The following CPNE8 variants were observed in gnomAD, a reference collection of about 807,000 sequenced individuals.
CPNE8 encodes copine 8, also known as copine-8.
Under a neutral mutation model 81.5 loss-of-function variants are expected in CPNE8, and 45 were observed. That is an observed-to-expected ratio of 0.55 (90% CI 0.44 to 0.71). CPNE8 has a LOEUF of 0.71. Among genes scored for constraint, CPNE8 ranks in the 30% least tolerant of loss-of-function variants. CPNE8 has a pLI of 0.00. For synonymous variants in CPNE8, 252 were observed against 226.3 expected, an observed-to-expected ratio of 1.11 and a Z score of -1.02; for missense variants, 594 against 672.1, an observed-to-expected ratio of 0.88 and a Z score of 1.28.
intron 6 of CPNE8, among the ~76,000 whole-genome samples, chr12:38,806,758 T>G (rs1326748174): frequency 6.9e-6 from 1 of 145,964 alleles, no homozygotes; most frequent in Non-Finnish European, 1.5e-5. Context: ...GCCAGGGCAA[T>G]TAGGCAGGAG....
intron 8 of CPNE8, among the ~76,000 whole-genome samples, chr12:38,766,606 T>C (rs1234789653): frequency 3.9e-5 from 6 of 152,166 alleles, no homozygotes; most frequent in Admixed American, 3.9e-4. Context: ...TCACTGTGAA[T>C]AGCAAACTGT....
intron 10 of CPNE8, among the ~76,000 whole-genome samples, chr12:38,738,762 A>C (rs1036571423): frequency 1.3e-5 from 2 of 151,150 alleles, no homozygotes; most frequent in African/African-American, 2.4e-5. Flanking sequence ...TTGGACTCTT[A>C]CATCATTACT....
rs74086014 is a variant in CPNE8, at chr12:38,831,195, T to C, written c.331-1740A>G. Among the ~76,000 whole-genome samples the C allele has an allele frequency of 6.7e-3, 1,019 of 151,526 alleles. 10 individuals are homozygous for C. Among genetic ancestry groups the C allele is most frequent in the African/African-American group, 0.024 (979 of 41,278 alleles). On this transcript the variant is annotated intron_variant, in intron 5 of 19. Coordinates refer to ENST00000331366, the MANE Select transcript of CPNE8 (RefSeq NM_153634.3). The stretch of plus-strand genomic sequence containing the variant: ...AACAGAGTTACAGGCCAGAGAATAA[T>C]GAGAAAAGAGAAGGACTCAAGTAAA...
intron 16 of CPNE8, among the ~76,000 whole-genome samples, chr12:38,677,947 A>C (rs935698918): frequency 2.0e-5 from 3 of 152,116 alleles, no homozygotes; most frequent in Admixed American, 1.3e-4. Context: ...TTTAAAACTG[A>C]GACAATAACA....
intron 15 of CPNE8, among the ~76,000 whole-genome samples, chr12:38,693,130 G>T (rs1007780843): frequency 3.3e-5 from 5 of 152,142 alleles, no homozygotes; most frequent in Admixed American, 2.0e-4. Flanking sequence ...CATGAGCAAA[G>T]AAGTTATGTT....
At chr12:38,664,221 T>C (rs1255322463) in intron 19 of CPNE8, among the ~76,000 whole-genome samples, 1 of 152,094 alleles carries the variant, frequency 6.6e-6, no homozygotes, top group Non-Finnish European at 1.5e-5. Context: ...TAATGAAATA[T>C]CACACTGTAC....
Position 38,722,094 on chromosome 12 carries a change from G to A in CPNE8, c.914+1678C>T, listed in dbSNP as rs529753816. 1.8e-4 allele frequency among the ~76,000 whole-genome samples: 28 copies of A among 152,258 alleles called. No individual in the cohort carries two copies. The East Asian group carries it at 3.9e-3, about 21-fold the overall frequency. ...AGCAAACTCAGGAAAAGGTGCCACCGGCCAGAGGTTTCAGGCCAGAAAAAG... is the reference window on the plus strand; with the variant it reads ...AGCAAACTCAGGAAAAGGTGCCACCAGCCAGAGGTTTCAGGCCAGAAAAAG... On this transcript the variant is annotated intron_variant, in intron 13 of 19. Coordinates refer to ENST00000331366, the MANE Select transcript of CPNE8 (RefSeq NM_153634.3).
At chr12:38,663,517 A>G (rs116247891) in intron 19 of CPNE8, among the ~76,000 whole-genome samples, 179 of 152,228 alleles carry the variant, frequency 1.2e-3, no homozygotes, top group African/African-American at 4.1e-3. Context: ...AATATTGATA[A>G]GGATGTAGAG....
At chr12:38,722,500 C>T (rs1430356081) in intron 13 of CPNE8, among the ~76,000 whole-genome samples, 1 of 152,150 alleles carries the variant, frequency 6.6e-6, no homozygotes, top group Non-Finnish European at 1.5e-5. Context: ...ACTCCCTCAA[C>T]CCCTTCTTCA....
chr12:38,695,610 G>A (rs1433486188), intron 14 of CPNE8, among the ~76,000 whole-genome samples: 1 of 152,102 alleles, frequency 6.6e-6, no homozygotes, highest in Non-Finnish European at 1.5e-5. Context: ...TTGATCCAAA[G>A]CCCAGTGGAA....
At chr12:38,667,420 A>G (rs2136640487) in intron 19 of CPNE8, among the ~76,000 whole-genome samples, 1 of 152,330 alleles carries the variant, frequency 6.6e-6, no homozygotes, top group East Asian at 1.9e-4. Flanking sequence ...CTCTGATGGT[A>G]GAAGGTTTAG....
intron 7 of CPNE8, among the ~76,000 whole-genome samples, chr12:38,775,488 A>G (rs534791125): frequency 6.6e-6 from 1 of 152,322 alleles, no homozygotes; most frequent in East Asian, 1.9e-4. Context: ...TAATCTAGGG[A>G]AAATTTTTTT....
chr12:38,755,580 C>T (rs530321777), intron 10 of CPNE8, among the ~76,000 whole-genome samples: 22 of 152,026 alleles, frequency 1.4e-4, no homozygotes, highest in Admixed American at 9.8e-4. Context: ...ATATTCATCC[C>T]CACCCATCTC....
At chr12:38,765,903 G>C (rs568667509) in intron 8 of CPNE8, among the ~76,000 whole-genome samples, 1 of 151,064 alleles carries the variant, frequency 6.6e-6, no homozygotes, top group East Asian at 1.9e-4. Flanking sequence ...TTTTTGCCCA[G>C]GCTAGAGTGC....
chr12:38,681,931 A>T (rs1939416309), intron 16 of CPNE8, among the ~76,000 whole-genome samples: 1 of 152,212 alleles, frequency 6.6e-6, no homozygotes, highest in South Asian at 2.1e-4. Context: ...CATTTAAAAG[A>T]GTATTTAGGC....
intron 19 of CPNE8, among the ~76,000 whole-genome samples, chr12:38,659,093 A>G (rs1321296918): frequency 6.6e-6 from 1 of 152,202 alleles, no homozygotes; most frequent in Non-Finnish European, 1.5e-5. Flanking sequence ...CAATTAAAAG[A>G]CACAGACTGG....
intron 14 of CPNE8, among the ~76,000 whole-genome samples, chr12:38,699,689 C>G (rs1939889755): frequency 6.6e-6 from 1 of 151,704 alleles, no homozygotes; most frequent in Non-Finnish European, 1.5e-5. Context: ...CTCTACGAAG[C>G]TTTCTAAACT....
intron 3 of CPNE8, among the ~76,000 whole-genome samples, chr12:38,852,428 CAAAAAAAAAAAAA>C (rs138401295): frequency 2.7e-5 from 2 of 75,210 alleles, no homozygotes; most frequent in African/African-American, 6.0e-5. Flanking sequence ...AGCTCTGTCT[CAAAAAAAAAAAAA>C]AAAAAAAAAA....
At chr12:38,884,075 A>G (rs1018447456) in intron 1 of CPNE8, among the ~76,000 whole-genome samples, 1 of 152,206 alleles carries the variant, frequency 6.6e-6, no homozygotes, top group Non-Finnish European at 1.5e-5. Flanking sequence ...TTTAAAGTGT[A>G]CAATCCAGTG....
Sources: allele counts gnomAD v4.1 joint callset (sites outside exome capture counted in the v4.1 genomes callset), GRCh38; gene constraint gnomAD v4.1.1; transcripts MANE v1.5; gene names NCBI Gene and HGNC (gene_info 2026-07-23, HGNC 2026-07-21).